FRS2: variants seen among roughly 807,000 people sequenced by gnomAD.
The protein encoded by FRS2 is fibroblast growth factor receptor substrate 2, also known as FGFR signalling adaptor.
FRS2 carries 8 observed loss-of-function variants against 43.9 expected under a neutral mutation model. The ratio of observed to expected loss-of-function variants is 0.18; its 90% CI spans 0.11 to 0.33. FRS2 has a LOEUF of 0.33. Among genes scored for constraint, FRS2 ranks in the 10% least tolerant of loss-of-function variants. The pLI, the probability that FRS2 is intolerant of heterozygous loss-of-function variation, is 1.00. For missense variants in FRS2, 534 were observed against 627.6 expected (o/e 0.85, Z 1.59); for synonymous variants, 219 against 220.3 (o/e 0.99, Z 0.05).
chr12:69,498,973 T>C (rs1873183958), intron 1 of FRS2, among the ~76,000 whole-genome samples: 1 of 152,210 alleles, frequency 6.6e-6, no homozygotes, highest in Non-Finnish European at 1.5e-5. Context: ...TTTTTACAAA[T>C]GCTTAGCCAA....
intron 1 of FRS2, among the ~76,000 whole-genome samples, chr12:69,520,381 T>TTTG (rs1188894741): frequency 6.6e-6 from 1 of 150,476 alleles, no homozygotes; most frequent in African/African-American, 2.4e-5. Flanking sequence ...TATTAGTTTT[T>TTTG]TTTTTTTTTT....
rs879703169 is a variant in FRS2 at position 69,525,710 on chromosome 12, AT to A, written c.-260-5143del. ...TGCAATGGAGACTGTGAGGGAGATTATTTTTTTTTTTTAGCACCATAAACTC... is the reference window on the plus strand; with the variant it reads ...TGCAATGGAGACTGTGAGGGAGATTATTTTTTTTTTTAGCACCATAAACTC... On this transcript the variant is annotated intron_variant, in intron 1 of 8. Transcript: ENST00000549921. Among the ~76,000 whole-genome samples, 475 of 142,890 alleles carry A rather than the reference AT, an allele frequency of 3.3e-3. 2 individuals are homozygous for A. The highest frequency in any genetic ancestry group is 0.012 in the East Asian group (60 of 4,934). 93.7% of individuals were successfully genotyped at this position (142,890 alleles called of 152,430 possible).
intron 3 of FRS2, among the ~76,000 whole-genome samples, chr12:69,548,855 A>T (rs1878634222): frequency 6.6e-6 from 1 of 152,206 alleles, no homozygotes; most frequent in Admixed American, 6.5e-5. Flanking sequence ...GAGCTGCCTA[A>T]CAGGGGCCAT....
intron 3 of FRS2, among the ~76,000 whole-genome samples, chr12:69,559,948 A>C (rs1565774947): frequency 6.6e-6 from 1 of 152,202 alleles, no homozygotes; most frequent in Admixed American, 6.5e-5. Flanking sequence ...GTATTTGAAC[A>C]AAATTACTGT....
chr12:69,514,254 T>C (rs549981588), intron 1 of FRS2, among the ~76,000 whole-genome samples: 3 of 152,260 alleles, frequency 2.0e-5, no homozygotes, highest in Middle Eastern at 3.4e-3. Context: ...CCAAATCACA[T>C]TGCATAATTC....
At chr12:69,518,996 CAA>C (rs35495239) in intron 1 of FRS2, among the ~76,000 whole-genome samples, 103 of 98,512 alleles carry the variant, frequency 1.0e-3, no homozygotes, top group Admixed American at 1.5e-3. Flanking sequence ...AACTCCGTCT[CAA>C]AAAAAAAAAA....
intron 1 of FRS2, among the ~76,000 whole-genome samples, chr12:69,487,071 CTTGCTAAA>C (rs1236583386): frequency 6.6e-6 from 1 of 152,176 alleles, no homozygotes; most frequent in East Asian, 1.9e-4. Flanking sequence ...TAGATGAGGG[CTTGCTAAA>C]TTGCCCAGGC....
intron 1 of FRS2, among the ~76,000 whole-genome samples, chr12:69,514,397 C>T (rs1302650050): frequency 6.6e-6 from 1 of 152,190 alleles, no homozygotes; most frequent in African/African-American, 2.4e-5. Context: ...AACTGCTCCA[C>T]CATTAGTGTG....
At chr12:69,503,395 G>A (rs1389212421) in intron 1 of FRS2, among the ~76,000 whole-genome samples, 1 of 152,094 alleles carries the variant, frequency 6.6e-6, no homozygotes, top group Non-Finnish European at 1.5e-5. Context: ...CTTAAAGTTA[G>A]CCTGATCATG....
At chr12:69,555,761 A>G (rs144170936) in intron 3 of FRS2, among the ~76,000 whole-genome samples, 61 of 152,328 alleles carry the variant, frequency 4.0e-4, no homozygotes, top group East Asian at 1.5e-3. Context: ...GACTATACAG[A>G]ACAAACATTT....
intron 1 of FRS2, among the ~76,000 whole-genome samples, chr12:69,483,394 A>C (rs1284706791): frequency 1.3e-5 from 2 of 152,162 alleles, no homozygotes; most frequent in African/African-American, 4.8e-5. Flanking sequence ...TCATTTTGAG[A>C]ATGTTGCGTG....
intron 1 of FRS2, among the ~76,000 whole-genome samples, chr12:69,481,959 C>T (rs1452020945): frequency 2.0e-5 from 3 of 150,440 alleles, no homozygotes; most frequent in African/African-American, 7.3e-5. Flanking sequence ...TTCCTTGTAA[C>T]AAGCAGTCTG....
At chr12:69,534,586 A>G (rs944629408) in intron 3 of FRS2, among the ~76,000 whole-genome samples, 1 of 152,148 alleles carries the variant, frequency 6.6e-6, no homozygotes, top group South Asian at 2.1e-4. Flanking sequence ...TAAGGTGACC[A>G]TGGCTGTTTG....
intron 1 of FRS2, among the ~76,000 whole-genome samples, chr12:69,490,311 C>A (rs1872357003): frequency 6.6e-6 from 1 of 151,866 alleles, no homozygotes; most frequent in Admixed American, 6.6e-5. Flanking sequence ...AAAAGATGAA[C>A]TGTTTCTTTA....
chr12:69,570,216 G>A, intron 5 of FRS2, 115 bp from the exon 6 acceptor site: 1 of 760,928 alleles, frequency 1.3e-6, no homozygotes, highest in Non-Finnish European at 2.3e-6. Context: ...GTCCATGCCT[G>A]ATACACACAT....
rs1180552995 is a variant in FRS2 at position 69,569,042 on chromosome 12, T to C, written c.12T>C (p.Cys4=). MGS[C]CSCPDKDTVP... Reference sequence around the variant, plus strand: ...CTTCTGAAGAAGCCATGGGTAGCTGTTGTAGCTGTCCAGATAAAGACACTG... The same window carrying C: ...CTTCTGAAGAAGCCATGGGTAGCTGCTGTAGCTGTCCAGATAAAGACACTG... The change falls in exon 5 of 9, where the codon TGT becomes TGC. Residue 4 remains cysteine, a synonymous_variant. Coordinates refer to ENST00000549921, the MANE Select transcript of FRS2 (RefSeq NM_001278356.2). 6.2e-7 allele frequency: 1 copy of C among 1,611,272 alleles called. No individual in the cohort carries two copies. The highest frequency in any genetic ancestry group is 2.2e-5 in the East Asian group (1 of 44,804).
intron 3 of FRS2, among the ~76,000 whole-genome samples, chr12:69,541,186 G>A (rs769334730): frequency 3.3e-5 from 5 of 151,954 alleles, no homozygotes; most frequent in South Asian, 2.1e-4. Flanking sequence ...ATATTTCCCC[G>A]GGAGCAACCC....
chr12:69,567,162 A>G (rs1450695593), intron 4 of FRS2, among the ~76,000 whole-genome samples: 4 of 151,260 alleles, frequency 2.6e-5, no homozygotes, highest in African/African-American at 9.7e-5. Flanking sequence ...ATCTATTTAC[A>G]TCTCTCTCTC....
chr12:69,476,936 A>G (rs1311561272), intron 1 of FRS2, among the ~76,000 whole-genome samples: 1 of 152,190 alleles, frequency 6.6e-6, no homozygotes, highest in Non-Finnish European at 1.5e-5. Flanking sequence ...TTAAGTAGAA[A>G]TAGCTTGGAC....
Sources: allele counts gnomAD v4.1 joint callset (sites outside exome capture counted in the v4.1 genomes callset), GRCh38; gene constraint gnomAD v4.1.1; transcripts MANE v1.5; gene names NCBI Gene and HGNC (gene_info 2026-07-23, HGNC 2026-07-21).